DLC1: variants seen among roughly 807,000 people sequenced by gnomAD.
The protein encoded by DLC1 is DLC1 Rho GTPase activating protein.
Under a neutral mutation model 140.3 loss-of-function variants are expected in DLC1, and 54 were observed. That is an observed-to-expected ratio of 0.38 (90% CI 0.31 to 0.48). The LOEUF (loss-of-function observed/expected upper bound fraction) is 0.48, where lower values mean the gene tolerates loss of function less well. DLC1 is among the 20% of genes least tolerant of loss of function. The pLI is 0.96. For missense variants in DLC1, 2,536 were observed against 1,907.0 expected (o/e 1.33, Z -6.14); for synonymous variants, 986 against 728.1 (o/e 1.35, Z -5.70).
At chr8:13,595,512 T>A (rs1014079208) in intron 1 of DLC1, among the ~76,000 whole-genome samples, 14 of 152,046 alleles carry the variant, frequency 9.2e-5, no homozygotes, top group African/African-American at 3.4e-4. Context: ...TTCTAGCCAT[T>A]AATGAGATAA....
At chr8:13,491,039 T>A (rs1007313537) in intron 2 of DLC1, among the ~76,000 whole-genome samples, 3 of 147,940 alleles carry the variant, frequency 2.0e-5, no homozygotes, top group Admixed American at 6.8e-5. Flanking sequence ...TATATAAATT[T>A]AGAATATATA....
intron 5 of DLC1, among the ~76,000 whole-genome samples, chr8:13,215,006 T>C (rs1828128529): frequency 6.6e-6 from 1 of 152,166 alleles, no homozygotes; most frequent in Non-Finnish European, 1.5e-5. Context: ...CTCTTATTAA[T>C]TCATTTGTTC....
intron 5 of DLC1, among the ~76,000 whole-genome samples, chr8:13,204,051 G>T (rs1454184857): frequency 6.6e-6 from 1 of 152,082 alleles, no homozygotes; most frequent in Non-Finnish European, 1.5e-5. Context: ...GTGTGTTGTT[G>T]GGGTCGGAGG....
intron 2 of DLC1, among the ~76,000 whole-genome samples, chr8:13,420,971 T>A (rs1838295870): frequency 6.6e-6 from 1 of 152,144 alleles, no homozygotes; most frequent in Admixed American, 6.6e-5. Flanking sequence ...ACGCTTTCTC[T>A]AAACCCCTTA....
intron 5 of DLC1, among the ~76,000 whole-genome samples, chr8:13,299,320 T>A (rs1286595993): frequency 6.6e-6 from 1 of 151,600 alleles, no homozygotes; most frequent in Non-Finnish European, 1.5e-5. Context: ...TGGTGGTGGG[T>A]GCCTGTAATC....
At chr8:13,350,960 T>A (rs920373259) in intron 4 of DLC1, among the ~76,000 whole-genome samples, 1 of 152,210 alleles carries the variant, frequency 6.6e-6, no homozygotes, top group African/African-American at 2.4e-5. Context: ...AAATCTCTGA[T>A]GAAATTCATG....
chr8:13,237,164 G>T (rs1829317859), intron 5 of DLC1, among the ~76,000 whole-genome samples: 1 of 149,968 alleles, frequency 6.7e-6, no homozygotes, highest in Non-Finnish European at 1.5e-5. Context: ...TATACACAAT[G>T]ATCCTGGGGA....
chr8:13,474,516 G>A lies in DLC1; in HGVS notation c.1023+24533C>T, dbSNP rs143142761. 2.5e-3 allele frequency among the ~76,000 whole-genome samples: 385 copies of A among 152,276 alleles called. 7 individuals carry two copies. The highest frequency in any genetic ancestry group is 7.3e-3 in the African/African-American group (304 of 41,534). On this transcript the variant is annotated intron_variant, in intron 2 of 17. Transcript: ENST00000276297. ...GTGAGAAAAGGGCCACTGTCCTCCA[G>A]ACCCCAGAATGGTAGATCCACCCAC...
At chr8:13,179,654 G>T (rs902930232) in intron 5 of DLC1, among the ~76,000 whole-genome samples, 12 of 152,012 alleles carry the variant, frequency 7.9e-5, no homozygotes, top group African/African-American at 2.9e-4. Context: ...CCAGGAGGTT[G>T]CGGCCACAGT....
At chr8:13,273,137 A>C (rs1237323191) in intron 5 of DLC1, among the ~76,000 whole-genome samples, 1 of 152,242 alleles carries the variant, frequency 6.6e-6, no homozygotes, top group Non-Finnish European at 1.5e-5. Context: ...CGTGGGCACA[A>C]AAGCAGGCTA....
intron 1 of DLC1, among the ~76,000 whole-genome samples, chr8:13,536,623 G>A (rs1688937457): frequency 6.6e-6 from 1 of 152,084 alleles, no homozygotes; most frequent in South Asian, 2.1e-4. Context: ...TGAGTTACAG[G>A]GCAATATTTG....
intron 5 of DLC1, among the ~76,000 whole-genome samples, chr8:13,226,596 G>A (rs1828804468): frequency 6.6e-6 from 1 of 152,180 alleles, no homozygotes; most frequent in South Asian, 2.1e-4. Context: ...GGTGTTAATA[G>A]CATCACCTGG....
intron 5 of DLC1, chr8:13,133,267 C>A: frequency 7.5e-7 from 1 of 1,334,638 alleles, no homozygotes; most frequent in Non-Finnish European, 9.6e-7. Context: ...GAAGCGCCCT[C>A]GCTCGGGCAG....
intron 2 of DLC1, among the ~76,000 whole-genome samples, chr8:13,488,694 C>T (rs1019307813): frequency 1.3e-5 from 2 of 152,210 alleles, no homozygotes; most frequent in Non-Finnish European, 2.9e-5. Context: ...TACTTTCTAA[C>T]TTTAATTATG....
chr8:13,305,358 T>C lies in DLC1; in HGVS notation c.1315-56A>G. On this transcript the variant is annotated intron_variant, in intron 4 of 17. Transcript: ENST00000276297. ...TATTAGGAAGAAACATCAGAAAGCA[T>C]CATTAGAAATAAAACGAAGTGTAAT... 4.6e-6 allele frequency: 7 copies of C among 1,509,034 alleles called. No individual in the cohort carries two copies. In the South Asian group the frequency reaches 8.0e-5, roughly 17 times the overall value. The allele number at this position is 1,509,034 out of a possible 1,614,324, so 93.5% of individuals were successfully genotyped here.
intron 5 of DLC1, among the ~76,000 whole-genome samples, chr8:13,229,574 T>G (rs866212505): frequency 1.1e-4 from 17 of 151,898 alleles, no homozygotes; most frequent in Admixed American, 3.3e-4. Flanking sequence ...TAGGTGAACT[T>G]TTTAGTATAT....
intron 5 of DLC1, among the ~76,000 whole-genome samples, chr8:13,230,626 T>C (rs1181357346): frequency 6.7e-6 from 1 of 149,302 alleles, no homozygotes; most frequent in Non-Finnish European, 1.5e-5. Context: ...AGATGGGGTC[T>C]CACTCTGTAG....
intron 2 of DLC1, among the ~76,000 whole-genome samples, chr8:13,429,344 G>A (rs1398051177): frequency 2.0e-5 from 3 of 152,126 alleles, no homozygotes; most frequent in Non-Finnish European, 4.4e-5. Flanking sequence ...GTGCATAGAA[G>A]GATAAACTGT....
chr8:13,512,278 GC>G (rs35323593), intron 1 of DLC1, among the ~76,000 whole-genome samples: 2,247 of 152,182 alleles, frequency 0.015, 57 homozygotes, highest in African/African-American at 0.051. Flanking sequence ...TAAGGAAATG[GC>G]AGCTATTAGA....
Sources: allele counts gnomAD v4.1 joint callset (sites outside exome capture counted in the v4.1 genomes callset), GRCh38; gene constraint gnomAD v4.1.1; transcripts MANE v1.5; gene names NCBI Gene and HGNC (gene_info 2026-07-23, HGNC 2026-07-21).